SLC30A9: variants seen among roughly 807,000 people sequenced by gnomAD.
SLC30A9 encodes proton-coupled zinc antiporter SLC30A9, mitochondrial.
SLC30A9 carries 58 observed loss-of-function variants against 87.5 expected under a neutral mutation model. That is an observed-to-expected ratio of 0.66 (90% CI 0.54 to 0.82). The LOEUF (loss-of-function observed/expected upper bound fraction) is 0.82. Among genes scored for constraint, SLC30A9 ranks in the 40% least tolerant of loss-of-function variants. SLC30A9 has a pLI of 0.00. For synonymous variants in SLC30A9, 234 were observed against 233.0 expected (o/e 1.00, Z -0.04); for missense variants, 557 against 679.1 (o/e 0.82, Z 2.00).
intron 17 of SLC30A9, 130 bp from the exon 18 acceptor site, chr4:42,085,952 A>G: frequency 3.5e-6 from 1 of 285,404 alleles, no homozygotes; most frequent in Non-Finnish European, 6.6e-6. Flanking sequence ...TTATGCAACT[A>G]TTTCTCTCAT....
At chr4:42,008,589 G>C (rs1484773317) in intron 2 of SLC30A9, among the ~76,000 whole-genome samples, 1 of 152,188 alleles carries the variant, frequency 6.6e-6, no homozygotes, top group Admixed American at 6.5e-5. Context: ...AGTGAGGAGA[G>C]ATCTTCTAGT....
chr4:42,042,676 C>T (rs1399674949), intron 8 of SLC30A9, among the ~76,000 whole-genome samples: 2 of 152,212 alleles, frequency 1.3e-5, no homozygotes, highest in African/African-American at 4.8e-5. Flanking sequence ...TTCCTGTCTG[C>T]TGGCTCTGAA....
chr4:41,990,815 C>A, intron 1 of SLC30A9, 55 bp downstream of exon 1: 3 of 1,319,252 alleles, frequency 2.3e-6, no homozygotes, highest in Non-Finnish European at 2.1e-6. Flanking sequence ...GAGGGCCAGG[C>A]TGGGCTCGGC....
Position 42,075,894 on chromosome 4 carries a change from A to G in SLC30A9, c.1548+108A>G. 5.7e-6 allele frequency: 6 copies of G among 1,058,514 alleles called. No homozygotes were observed. The South Asian group carries it at 1.0e-4, about 18-fold the overall frequency. 65.6% of individuals were successfully genotyped at this position (1,058,514 alleles called of 1,614,324 possible). A position where few individuals can be genotyped will look rare whatever the true frequency, so the allele number is the denominator to read the frequency against. ...GATCTTAAAGGCACTTTAGCTCTCAACTTCTTAGGTTCCAAAATTTAACAG... is the reference window on the plus strand; with the variant it reads ...GATCTTAAAGGCACTTTAGCTCTCAGCTTCTTAGGTTCCAAAATTTAACAG... On this transcript the variant is annotated intron_variant, in intron 16 of 17. Coordinates refer to ENST00000264451, the MANE Select transcript of SLC30A9 (RefSeq NM_006345.4).
chr4:42,084,181 G>A (rs1718835676), intron 17 of SLC30A9, among the ~76,000 whole-genome samples: 1 of 152,086 alleles, frequency 6.6e-6, no homozygotes, highest in Admixed American at 6.6e-5. Flanking sequence ...GAACTGAAAA[G>A]ATTATAACAG....
At position 42,061,399 on chromosome 4, in the gene SLC30A9, A is replaced by G. The variant is rs556988278; in HGVS notation, c.896+1153A>G. On this transcript the variant is annotated intron_variant, in intron 10 of 17. Coordinates refer to ENST00000264451, the MANE Select transcript of SLC30A9 (RefSeq NM_006345.4). The stretch of plus-strand genomic sequence containing the variant: ...ACATAATCAAAATTTTCAATAAGTT[A>G]ATAATTCCTTGAAATCACCTGAAGT... Among the ~76,000 whole-genome samples the G allele has an allele frequency of 3.3e-5, 5 of 152,344 alleles. No individual in the cohort carries two copies. In the South Asian group the frequency reaches 1.0e-3, roughly 32 times the overall value.
chr4:42,029,790 A>C lies in SLC30A9; in HGVS notation c.611-5485A>C, dbSNP rs1267231016. On this transcript the variant is annotated intron_variant, in intron 6 of 17. Transcript: ENST00000264451. ...AGGCTTCAAACCTAAGTCTCCCGAGAATGAGTCCTTGGAGACTTACCCAGT... is the reference window on the plus strand; with the variant it reads ...AGGCTTCAAACCTAAGTCTCCCGAGCATGAGTCCTTGGAGACTTACCCAGT... 5.5e-6 allele frequency: 4 copies of C among 733,592 alleles called. No individual in the cohort carries two copies. In the African/African-American group the frequency reaches 6.9e-5, roughly 13 times the overall value. The allele number at this position is 733,592 out of a possible 1,614,324, so 45.4% of individuals were successfully genotyped here.
In SLC30A9 at chr4:42,086,786, T is replaced by G. The variant is rs2153141920; in HGVS notation, c.*660T>G. The G allele has an allele frequency of 6.5e-6, 1 of 152,776 alleles. No individual in the cohort carries two copies. Among genetic ancestry groups the G allele is most frequent in the African/African-American group, 2.4e-5 (1 of 41,584 alleles). The allele number at this position is 152,776 out of a possible 1,614,324, so 9.5% of individuals were successfully genotyped here. A position where few individuals can be genotyped will look rare whatever the true frequency, so the allele number is the denominator to read the frequency against. On this transcript the variant is annotated 3_prime_UTR_variant, in exon 18 of 18. Coordinates refer to ENST00000264451, the MANE Select transcript of SLC30A9 (RefSeq NM_006345.4). ...TTTTAGGTCATAGTAGTTGCCATTT[T>G]GTAAAATTTCTTTTTTCTTCTTTGC...
intron 2 of SLC30A9, among the ~76,000 whole-genome samples, chr4:42,012,926 C>T (rs1439505697): frequency 1.3e-5 from 2 of 152,068 alleles, no homozygotes; most frequent in Non-Finnish European, 2.9e-5. Flanking sequence ...GATAATAAAA[C>T]AGTAAACTTT....
At chr4:42,005,571 A>G (rs1715166355) in intron 2 of SLC30A9, among the ~76,000 whole-genome samples, 1 of 152,156 alleles carries the variant, frequency 6.6e-6, no homozygotes, top group African/African-American at 2.4e-5. Flanking sequence ...ACCTAGTCTT[A>G]TTCTCTGGTC....
At chr4:42,020,359 T>C (rs1345267600) in intron 3 of SLC30A9, 57 bp from the exon 4 acceptor site, 1 of 818,496 alleles carries the variant, frequency 1.2e-6, no homozygotes, top group African/African-American at 1.7e-5. Flanking sequence ...CCTATATTCA[T>C]CTTCACATGT....
At chr4:42,074,401 T>C (rs141240383) in intron 15 of SLC30A9, among the ~76,000 whole-genome samples, 3 of 152,326 alleles carry the variant, frequency 2.0e-5, no homozygotes, top group East Asian at 3.9e-4. Flanking sequence ...TTATATGTGC[T>C]GTACAGAAAA....
At chr4:42,063,594 G>C (rs1424034708) in intron 11 of SLC30A9, among the ~76,000 whole-genome samples, 1 of 152,230 alleles carries the variant, frequency 6.6e-6, no homozygotes, top group Non-Finnish European at 1.5e-5. Flanking sequence ...ATAGCAGGAT[G>C]ATCACCCGTA....
At chr4:42,034,451 C>A (rs982368352) in intron 6 of SLC30A9, among the ~76,000 whole-genome samples, 1 of 149,496 alleles carries the variant, frequency 6.7e-6, no homozygotes, top group East Asian at 2.0e-4. Flanking sequence ...CGGTCCCTGG[C>A]AACCACCATT....
rs77299459 is a variant in SLC30A9, at chr4:42,022,100, T to A, written c.435-738T>A. 2.8e-5 allele frequency among the ~76,000 whole-genome samples: 2 copies of A among 71,016 alleles called. 1 individual carries two copies. The highest frequency in any genetic ancestry group is 1.5e-3 in the South Asian group (2 of 1,354). The allele number at this position is 71,016 out of a possible 152,430, so 46.6% of individuals were successfully genotyped here. A position where few individuals can be genotyped will look rare whatever the true frequency, so the allele number is the denominator to read the frequency against. ...ACAGGCGCCCGCCACCACGCCCGGC[T>A]AATTTTTGTATTTTTAGTAGAGACA... On this transcript the variant is annotated intron_variant, in intron 4 of 17. Coordinates refer to ENST00000264451, the MANE Select transcript of SLC30A9 (RefSeq NM_006345.4).
chr4:42,007,810 A>G (rs889631516), intron 2 of SLC30A9, among the ~76,000 whole-genome samples: 7 of 80,160 alleles, frequency 8.7e-5, no homozygotes, highest in African/African-American at 1.9e-4. Context: ...ACTTCAAGAT[A>G]TCATTATCTC....
chr4:42,081,153 C>T (rs137919316), intron 17 of SLC30A9, among the ~76,000 whole-genome samples: 53 of 152,276 alleles, frequency 3.5e-4, no homozygotes, highest in African/African-American at 1.1e-3. Context: ...GATTAAAAAG[C>T]AGTTTATTCA....
chr4:42,067,808 G>T (rs1316030435), intron 14 of SLC30A9, among the ~76,000 whole-genome samples: 1 of 152,190 alleles, frequency 6.6e-6, no homozygotes, highest in Non-Finnish European at 1.5e-5. Context: ...CTGAGTGAGT[G>T]TGGGGGTGTG....
rs954890929 is a variant in SLC30A9, at chr4:42,006,064, A to G, written c.274+4284A>G. Among the ~76,000 whole-genome samples the G allele has an allele frequency of 2.8e-4, 43 of 152,226 alleles. 1 individual carries two copies. The highest frequency in any genetic ancestry group is 1.0e-3 in the African/African-American group (42 of 41,454). ...TTTTCTTGTCATTATTTCCTAAACA[A>G]TACAGTGTAACAACGGTTTACTTAG... is the stretch of plus-strand genomic sequence containing the variant. On this transcript the variant is annotated intron_variant, in intron 2 of 17. Transcript: ENST00000264451.
Sources: gnomAD v4.1 joint callset for allele counts (sites outside exome capture counted in the v4.1 genomes callset) on GRCh38, gnomAD v4.1.1 for gene constraint, MANE v1.5 for transcripts, NCBI Gene and HGNC (gene_info 2026-07-23, HGNC 2026-07-21) for gene names.